Variants in NKPD1 observed in about 807,000 individuals in gnomAD.
The protein encoded by NKPD1 is NTPase KAP family P-loop domain containing 1.
In NKPD1, 37 loss-of-function variants were observed where a neutral mutation model predicts 42.2. The observed-to-expected ratio is 0.88, with a 90% CI of 0.67 to 1.15. NKPD1 has a LOEUF of 1.15. Among genes scored for constraint, NKPD1 ranks in the 50% most tolerant of loss-of-function variants. NKPD1 has a pLI of 0.00. For synonymous variants in NKPD1, 552 were observed against 536.5 expected (o/e 1.03, Z -0.40); for missense variants, 1,113 against 1,174.6 (o/e 0.95, Z 0.77).
chr19:45,155,671 G>T, intron 4 of NKPD1, 114 bp downstream of exon 4: 1 of 1,079,900 alleles, frequency 9.3e-7, no homozygotes, highest in South Asian at 1.5e-5. Flanking sequence ...GGAGGGCCTG[G>T]GCTGGGGCAG....
In NKPD1 at chr19:45,153,698, C is replaced by A; in HGVS notation, c.739G>T (p.Gly247Cys). The A allele has an allele frequency of 1.9e-6, 3 of 1,545,316 alleles. No homozygotes were observed. The highest frequency in any genetic ancestry group is 2.6e-6 in the Non-Finnish European group (3 of 1,142,794). The change falls in exon 5 of 5, where the codon GGC becomes TGC. Residue 247 changes from glycine to cysteine, a missense_variant. By Grantham distance (159) the Gly-to-Cys change is radical. Around this residue, in one of 3 missense-constraint regions of NKPD1, gnomAD observed 867 missense variants for 870.1 expected, o/e 1.00. Transcript: ENST00000686631. ...HVQWRPRAVS[G>C]WGVPQLLWYL... ...CACAGTAGCTGCGGGACGCCCCAGCCGCTCACGGCACGCGGCCGCCACTGC... is the reference window on the plus strand; with the variant it reads ...CACAGTAGCTGCGGGACGCCCCAGCAGCTCACGGCACGCGGCCGCCACTGC...
Position 45,158,693 on chromosome 19 carries a change from C to T in NKPD1, c.499G>A (p.Ala167Thr). ...CTGTAGGCAGTGAAGGAGCCACAGG[C>T]CGCTGGGGCGGGCAGGGGCCGGGCA... ...TDARPLPAPA[A>T]CGSFTAYSSD... is the part of the protein sequence containing the mutation. Residue 167 changes from alanine to threonine, a missense_variant, in exon 3 of 5, where the codon GCC (alanine) becomes ACC (threonine). Transcript: ENST00000686631. This position sits in a 1 kb window ranked among gnomAD's most constrained non-coding sequence, Gnocchi z 4.6. 1 of 1,186,798 alleles carries T rather than the reference C, an allele frequency of 8.4e-7. No homozygotes were observed. The allele number at this position is 1,186,798 out of a possible 1,614,324, so 73.5% of individuals were successfully genotyped here.
intron 1 of NKPD1, 61 bp from the exon 2 acceptor site, chr19:45,160,282 AG>A (rs1968982204): frequency 4.9e-6 from 2 of 409,262 alleles, no homozygotes; most frequent in Middle Eastern, 5.3e-4. Flanking sequence ...CAGCTTGGAC[AG>A]GGGAAAGGCC....
chr19:45,160,417 G>T (rs975097463), intron 1 of NKPD1, among the ~76,000 whole-genome samples, 196 bp from the exon 2 acceptor site: 1 of 152,142 alleles, frequency 6.6e-6, no homozygotes, highest in Non-Finnish European at 1.5e-5. Context: ...GCTGGGGTTG[G>T]CTAGGGGTTA....
At chr19:45,162,718 A>T (rs1307025747), upstream of NKPD1, among the ~76,000 whole-genome samples, 1 of 152,168 alleles carries the variant, frequency 6.6e-6, no homozygotes, top group Non-Finnish European at 1.5e-5. Flanking sequence ...GGCAGAGGGC[A>T]GCCCCAGACT....
chr19:45,158,735 G>C lies in NKPD1; in HGVS notation c.457C>G (p.Pro153Ala), dbSNP rs1160252308. ...GGCCGGGCATCAGTGGGCTCGCTGG[G>C]CTTCAGGAGGACGCCAGCCGCGGAG... The part of the protein sequence containing the change: ...LPSAAGVLLK[P>A]SEPTDARPLP... The change falls in exon 3 of 5, where the codon CCC (proline) becomes GCC (alanine). Residue 153 changes from proline (P) to alanine (A), a missense_variant. By Grantham distance (27) the Pro-to-Ala change is conservative. Coordinates refer to ENST00000686631, the MANE Select transcript of NKPD1 (RefSeq NM_198478.4). The surrounding 1 kb of genome is among the most constrained non-coding windows in gnomAD (Gnocchi z 4.6). The C allele has an allele frequency of 8.3e-7, 1 of 1,208,238 alleles. No homozygotes were observed. 74.8% of individuals were successfully genotyped at this position (1,208,238 alleles called of 1,614,324 possible).
chr19:45,157,422 T>C (rs554054360), intron 3 of NKPD1, among the ~76,000 whole-genome samples: 1 of 152,346 alleles, frequency 6.6e-6, no homozygotes, highest in South Asian at 2.1e-4. Context: ...CCGAGTGGCA[T>C]ACTTTTCGAG....
At position 45,155,822 on chromosome 19, in the gene NKPD1, G is replaced by A. The variant is rs376501749; in HGVS notation, c.624C>T (p.Phe208=). ...VPVTVGFYAP[F]GCRLHMMLDK... ...CCAGCATCATGTGCAGGCGGCAGCC[G>A]AAAGGGGCATAGAAACCCACGGTCA... is the stretch of plus-strand genomic sequence containing the variant. Residue 208 remains phenylalanine, a synonymous_variant, in exon 4 of 5, where the codon TTC becomes TTT. Transcript: ENST00000686631. The A allele has an allele frequency of 7.4e-5, 97 of 1,305,330 alleles. No homozygotes were observed. Among genetic ancestry groups the A allele is most frequent in the Non-Finnish European group, 8.9e-5 (88 of 988,862 alleles). The allele number at this position is 1,305,330 out of a possible 1,614,324, so 80.9% of individuals were successfully genotyped here. A position where few individuals can be genotyped will look rare whatever the true frequency, so the allele number is the denominator to read the frequency against.
intron 3 of NKPD1, among the ~76,000 whole-genome samples, chr19:45,156,994 C>T (rs916139290): frequency 2.6e-5 from 4 of 152,216 alleles, no homozygotes; most frequent in African/African-American, 4.8e-5. Context: ...AAATAGACAT[C>T]GTAGCCCTGA....
At chr19:45,159,241 T>G in intron 2 of NKPD1, 141 bp from the exon 3 acceptor site, 1 of 761,324 alleles carries the variant, frequency 1.3e-6, no homozygotes. Context: ...AAAGTAAGAT[T>G]ATGTGCGGGG....
Position 45,152,507 on chromosome 19 carries a change from C to G in NKPD1, c.1930G>C (p.Asp644His). Reference sequence around the variant, plus strand: ...TGGCGCGGCGTGGGGCCCCCAAAGTCCCCCTGCTGCTGCTGCTGCTGCAGC... The same window carrying G: ...TGGCGCGGCGTGGGGCCCCCAAAGTGCCCCTGCTGCTGCTGCTGCTGCAGC... ...RLLQQQQQQGDFGGPTPRQAV... is the reference protein window; with the variant it reads ...RLLQQQQQQGHFGGPTPRQAV... The change falls in exon 5 of 5, where the codon GAC becomes CAC. Residue 644 changes from aspartate to histidine, a missense_variant. Coordinates refer to ENST00000686631, the MANE Select transcript of NKPD1 (RefSeq NM_198478.4). 1 of 1,566,540 alleles carries G rather than the reference C, an allele frequency of 6.4e-7. No individual in the cohort carries two copies. Among genetic ancestry groups the G allele is most frequent in the Non-Finnish European group, 8.6e-7 (1 of 1,165,398 alleles).
rs1427752437 is a variant in NKPD1 at position 45,154,483 on chromosome 19, C to T, written c.662-708G>A. On this transcript the variant is annotated intron_variant, in intron 4 of 4. Transcript: ENST00000686631. The stretch of plus-strand genomic sequence containing the variant: ...AATCTGAGGTCACAGAGTGAATGAG[C>T]GGGAGTGTCTACAGCACCCAGCAGG... 3.3e-5 allele frequency among the ~76,000 whole-genome samples: 5 copies of T among 152,268 alleles called. 1 individual carries two copies. Among genetic ancestry groups the T allele is most frequent in the Middle Eastern group, 3.4e-3 (1 of 294 alleles).
Position 45,160,046 on chromosome 19 carries a change from A to C in NKPD1, c.91+14T>G. On this transcript the variant is annotated intron_variant, in intron 2 of 4. Transcript: ENST00000686631. ...CTCTGTCGGCCATCACCCGCCCCCAAACTGAACCCGTACCTTTTCGGTGCC... is the reference window on the plus strand; with the variant it reads ...CTCTGTCGGCCATCACCCGCCCCCACACTGAACCCGTACCTTTTCGGTGCC... The C allele has an allele frequency of 7.7e-7, 1 of 1,296,298 alleles. No homozygotes were observed. The highest frequency in any genetic ancestry group is 1.0e-6 in the Non-Finnish European group (1 of 982,372). The allele number at this position is 1,296,298 out of a possible 1,614,324, so 80.3% of individuals were successfully genotyped here.
rs1474683569 is a variant in NKPD1 at position 45,152,570 on chromosome 19, G to T, written c.1867C>A (p.Arg623=). The part of the protein sequence containing the change: ...EYVPDNVVSM[R]RIVNTVPITV... ...ATGGGCACGGTGTTGACGATGCGCC[G>T]CATGGACACCACGTTGTCGGGCACG... is the stretch of plus-strand genomic sequence containing the variant. Residue 623 remains arginine, a synonymous_variant, in exon 5 of 5, where the codon CGG becomes AGG. Transcript: ENST00000686631. 1 of 1,585,644 alleles carries T rather than the reference G, an allele frequency of 6.3e-7. No individual in the cohort carries two copies. Among genetic ancestry groups the T allele is most frequent in the Non-Finnish European group, 8.5e-7 (1 of 1,175,092 alleles).
rs998743714 is a variant in NKPD1, at chr19:45,151,707, T to G, written c.*231A>C. The G allele has an allele frequency of 2.4e-5, 12 of 494,412 alleles. No homozygotes were observed. The highest frequency in any genetic ancestry group is 3.9e-5 in the Non-Finnish European group (11 of 282,790). 30.6% of individuals were successfully genotyped at this position (494,412 alleles called of 1,614,324 possible). On this transcript the variant is annotated 3_prime_UTR_variant, in exon 5 of 5. Coordinates refer to ENST00000686631, the MANE Select transcript of NKPD1 (RefSeq NM_198478.4). ...GCTCTCAACACCTCCATTTATTGCATGTATACCCTGACTTCCTCACTGGTC... is the reference window on the plus strand; with the variant it reads ...GCTCTCAACACCTCCATTTATTGCAGGTATACCCTGACTTCCTCACTGGTC...
chr19:45,157,226 G>A lies in NKPD1; in HGVS notation c.530-1310C>T, dbSNP rs145219971. Among the ~76,000 whole-genome samples, 266 of 152,270 alleles carry A rather than the reference G, an allele frequency of 1.7e-3. No individual in the cohort carries two copies. The Middle Eastern group carries it at 0.02, about 12-fold the overall frequency. ...ATCCTGTCAGCTCACATCCATCCTC[G>A]GCTCCTGCCTCCTTTGGGCAAAAGC... On this transcript the variant is annotated intron_variant, in intron 3 of 4. Transcript: ENST00000686631.
Position 45,152,215 on chromosome 19 carries a change from C to T in NKPD1, c.2222G>A (p.Arg741His), listed in dbSNP as rs1314772881. 2.5e-6 allele frequency: 4 copies of T among 1,601,564 alleles called. No homozygotes were observed. The highest frequency in any genetic ancestry group is 3.4e-6 in the Non-Finnish European group (4 of 1,175,326). The stretch of plus-strand genomic sequence containing the variant: ...GGAGTGGTCCAGGTTGACCGTGCAG[C>T]GCAGCAGGCTCTGCGCCTCGGCCAC... The part of the protein sequence containing the change: ...FTVAEAQSLL[R>H]CTVNLDHSIR... The change falls in exon 5 of 5, where the codon CGC becomes CAC. Residue 741 changes from arginine (R) to histidine (H), a missense_variant. Physicochemically the swap from Arg to His is conservative, Grantham distance 29 (BLOSUM62 0). Around this residue, in one of 3 missense-constraint regions of NKPD1, gnomAD observed 867 missense variants for 870.1 expected, o/e 1.00. Coordinates refer to ENST00000686631, the MANE Select transcript of NKPD1 (RefSeq NM_198478.4).
chr19:45,161,070 G>A (rs1202867470), upstream of NKPD1, among the ~76,000 whole-genome samples: 5 of 152,166 alleles, frequency 3.3e-5, no homozygotes, highest in Non-Finnish European at 7.4e-5. Flanking sequence ...CCCTTCCCCA[G>A]CGCCTGCCTG....
Position 45,155,154 on chromosome 19 carries a change from T to G in NKPD1, c.661+631A>C, listed in dbSNP as rs570504733. 2.7e-5 allele frequency among the ~76,000 whole-genome samples: 4 copies of G among 148,790 alleles called. No homozygotes were observed. In the East Asian group the frequency reaches 8.0e-4, roughly 30 times the overall value. On this transcript the variant is annotated intron_variant, in intron 4 of 4. Transcript: ENST00000686631. ...GCCAACATGGTAAAACCCCGTCTAC[T>G]AAAAATACAAAAAATTAGCTGGGCG...
Sources: gnomAD v4.1 joint callset for allele counts (sites outside exome capture counted in the v4.1 genomes callset) on GRCh38, gnomAD v4.1.1 for gene constraint, gnomAD v4.1.1 regional missense constraint, Gnocchi (gnomAD v3.1) non-coding constraint, MANE v1.5 for transcripts, NCBI Gene and HGNC (gene_info 2026-07-23, HGNC 2026-07-21) for gene names.